Variants in MRAP2 observed in about 807,000 individuals in gnomAD.
The protein encoded by MRAP2 is melanocortin-2 receptor accessory protein 2.
In MRAP2, 20 loss-of-function variants were observed where a neutral mutation model predicts 17.4. The ratio of observed to expected loss-of-function variants is 1.15; its 90% CI spans 0.81 to 1.67. MRAP2 has a LOEUF of 1.67. MRAP2 is among the 40% of genes most tolerant of loss of function. The pLI is 0.00. For synonymous variants in MRAP2, 96 were observed against 88.4 expected, an observed-to-expected ratio of 1.09 and a Z score of -0.48; for missense variants, 238 against 240.0, an observed-to-expected ratio of 0.99 and a Z score of 0.05.
chr6:84,087,505 T>C (rs2099500794), intron 3 of MRAP2, among the ~76,000 whole-genome samples: 1 of 152,216 alleles, frequency 6.6e-6, no homozygotes, highest in Non-Finnish European at 1.5e-5. Flanking sequence ...CTCTTTTTCC[T>C]AGGTGACATT....
the MRAP2 span, among the ~76,000 whole-genome samples, chr6:84,120,266 C>CT: frequency 1.6e-4 from 24 of 152,188 alleles, no homozygotes; most frequent in Admixed American, 1.5e-3. Context: ...GAGGATGGAT[C>CT]TTCCTTACTT....
downstream of MRAP2, among the ~76,000 whole-genome samples, chr6:84,091,130 A>G (rs945895099): frequency 6.7e-6 from 1 of 149,186 alleles, no homozygotes; most frequent in East Asian, 1.9e-4. Context: ...AAAGCATGGA[A>G]TTTTTTTGTA....
intron 1 of MRAP2, among the ~76,000 whole-genome samples, chr6:84,034,551 T>TA (rs1463085729): frequency 5.5e-5 from 8 of 145,716 alleles, no homozygotes; most frequent in Non-Finnish European, 1.0e-4. Context: ...CCTTTCTGTG[T>TA]AATTAATTGA....
At chr6:84,124,828 C>T in the MRAP2 span, 1 of 494,696 alleles carries the variant, frequency 2.0e-6, no homozygotes, top group Non-Finnish European at 3.5e-6. Context: ...CCCTTCTCTG[C>T]TATAAAGGAA....
At chr6:84,095,334 A>C (rs1313519694), downstream of MRAP2, among the ~76,000 whole-genome samples, 1 of 152,240 alleles carries the variant, frequency 6.6e-6, no homozygotes, top group African/African-American at 2.4e-5. Context: ...ATTGTTGAAT[A>C]GACAGCTGAG....
the MRAP2 span, among the ~76,000 whole-genome samples, chr6:84,108,402 T>C: frequency 2.0e-5 from 3 of 152,178 alleles, no homozygotes; most frequent in Admixed American, 2.0e-4. Context: ...CTCATTGTGG[T>C]TTTGATATGC....
At chr6:84,113,795 C>T in the MRAP2 span, among the ~76,000 whole-genome samples, 532 of 152,288 alleles carry the variant, frequency 3.5e-3, 6 homozygotes, top group African/African-American at 0.012. Context: ...GACAAAATCT[C>T]TCAGCATTTG....
At chr6:84,108,270 G>T in the MRAP2 span, among the ~76,000 whole-genome samples, 1 of 152,050 alleles carries the variant, frequency 6.6e-6, no homozygotes, top group Non-Finnish European at 1.5e-5. Flanking sequence ...TGCCACATTG[G>T]TTGAACTCAT....
intron 1 of MRAP2, among the ~76,000 whole-genome samples, chr6:84,054,339 G>A (rs947578100): frequency 6.6e-6 from 1 of 152,100 alleles, no homozygotes; most frequent in Non-Finnish European, 1.5e-5. Context: ...TATCACCTTC[G>A]GTATCCGTGC....
At chr6:84,118,883 A>C in the MRAP2 span, among the ~76,000 whole-genome samples, 1 of 152,228 alleles carries the variant, frequency 6.6e-6, no homozygotes, top group African/African-American at 2.4e-5. Flanking sequence ...ATAAGGATCC[A>C]ATTTCATTCT....
intron 3 of MRAP2, among the ~76,000 whole-genome samples, chr6:84,072,428 G>T (rs550094019): frequency 6.6e-6 from 1 of 152,196 alleles, no homozygotes; most frequent in African/African-American, 2.4e-5. Flanking sequence ...GACGAGAATC[G>T]TTTATGGGTC....
At chr6:84,136,221 T>C in the MRAP2 span, among the ~76,000 whole-genome samples, 636 of 152,116 alleles carry the variant, frequency 4.2e-3, 6 homozygotes, top group African/African-American at 0.015. Flanking sequence ...TTGGCAGTGA[T>C]TGGTTTAGAG....
chr6:84,096,803 C>A, the MRAP2 span, among the ~76,000 whole-genome samples: 2 of 152,108 alleles, frequency 1.3e-5, no homozygotes, highest in Non-Finnish European at 2.9e-5. Flanking sequence ...TTGCCCCAAG[C>A]CAGTCAGGGT....
chr6:84,111,239 A>G, the MRAP2 span, among the ~76,000 whole-genome samples: 1 of 152,198 alleles, frequency 6.6e-6, no homozygotes, highest in Non-Finnish European at 1.5e-5. Context: ...ATCCATGAGC[A>G]TGGAATGTTT....
chr6:84,067,128 A>G (rs548805952), intron 3 of MRAP2, among the ~76,000 whole-genome samples: 4 of 152,084 alleles, frequency 2.6e-5, no homozygotes, highest in Non-Finnish European at 5.9e-5. Context: ...CAGTGAGAAC[A>G]TAAGATGTTT....
intron 1 of MRAP2, among the ~76,000 whole-genome samples, chr6:84,040,167 A>G (rs960127766): frequency 6.6e-6 from 1 of 152,182 alleles, no homozygotes; most frequent in Non-Finnish European, 1.5e-5. Flanking sequence ...TGATGGTTTC[A>G]TAAGAGGCTT....
At chr6:84,145,411 A>G in the MRAP2 span, among the ~76,000 whole-genome samples, 904 of 152,258 alleles carry the variant, frequency 5.9e-3, 4 homozygotes, top group African/African-American at 0.021. Flanking sequence ...TTATGCAAAT[A>G]ACCAAGCCAA....
upstream of MRAP2, among the ~76,000 whole-genome samples, chr6:84,033,252 C>A (rs867923156): frequency 6.6e-6 from 1 of 152,216 alleles, no homozygotes; most frequent in Non-Finnish European, 1.5e-5. Flanking sequence ...AAGAGATGAG[C>A]CAGCCCTGCT....
At chr6:84,053,694 T>C (rs1261974627) in intron 1 of MRAP2, among the ~76,000 whole-genome samples, 1 of 152,230 alleles carries the variant, frequency 6.6e-6, no homozygotes, top group African/African-American at 2.4e-5. Context: ...TCTTAATTTT[T>C]CATGCAACAT....
Sources: allele counts gnomAD v4.1 joint callset (sites outside exome capture counted in the v4.1 genomes callset), GRCh38; gene constraint gnomAD v4.1.1; transcripts MANE v1.5; gene names NCBI Gene and HGNC (gene_info 2026-07-23, HGNC 2026-07-21).